Variants in ACER3 observed in about 807,000 individuals in gnomAD.
ACER3 encodes the protein alkCDase 3.
In ACER3, 16 loss-of-function variants were observed where a neutral mutation model predicts 48.9. The ratio of observed to expected loss-of-function variants is 0.33; its 90% CI spans 0.22 to 0.50. The LOEUF is 0.50. Among genes scored for constraint, ACER3 ranks in the 20% least tolerant of loss-of-function variants. ACER3 has a pLI of 0.98. For missense variants in ACER3, 227 were observed against 326.0 expected, an observed-to-expected ratio of 0.70 and a Z score of 2.34; for synonymous variants, 109 against 107.8, an observed-to-expected ratio of 1.01 and a Z score of -0.07.
intron 2 of ACER3, among the ~76,000 whole-genome samples, chr11:76,947,761 C>T (rs1947514295): frequency 6.6e-6 from 1 of 152,100 alleles, no homozygotes; most frequent in Admixed American, 6.5e-5. Flanking sequence ...TTCATAATCC[C>T]ATCATCCAAC....
intron 2 of ACER3, among the ~76,000 whole-genome samples, chr11:76,933,173 C>CATATATAGATATAT (rs1947057284): frequency 7.7e-6 from 1 of 129,598 alleles, no homozygotes; most frequent in Non-Finnish European, 1.7e-5. Context: ...ATACGTATTT[C>CATATATAGATATAT]ATATATATAT....
chr11:76,876,886 A>C (rs1358521362), intron 1 of ACER3, among the ~76,000 whole-genome samples: 3 of 152,170 alleles, frequency 2.0e-5, no homozygotes, highest in African/African-American at 7.2e-5. Context: ...TATTGTTCCC[A>C]TGAGAGGTAA....
At chr11:77,003,092 A>G (rs1949066553) in intron 7 of ACER3, among the ~76,000 whole-genome samples, 1 of 152,242 alleles carries the variant, frequency 6.6e-6, no homozygotes, top group Admixed American at 6.5e-5. Flanking sequence ...AGATCTATAT[A>G]CTTTAAAAGG....
chr11:76,990,199 A>G (rs1948770227), intron 5 of ACER3, among the ~76,000 whole-genome samples: 1 of 152,196 alleles, frequency 6.6e-6, no homozygotes, highest in Non-Finnish European at 1.5e-5. Flanking sequence ...CTGTTGTAGA[A>G]CAGATCTGCT....
chr11:76,993,315 G>A (rs1948841233), intron 6 of ACER3, among the ~76,000 whole-genome samples: 1 of 152,072 alleles, frequency 6.6e-6, no homozygotes, highest in East Asian at 1.9e-4. Flanking sequence ...CTAAGTTTGA[G>A]GATTGAATGA....
intron 7 of ACER3, among the ~76,000 whole-genome samples, chr11:77,002,485 A>C (rs1949053878): frequency 1.3e-5 from 2 of 152,068 alleles, no homozygotes; most frequent in Non-Finnish European, 2.9e-5. Flanking sequence ...TATATTCTGA[A>C]TTCTTCACTT....
chr11:76,987,507 T>C (rs1426353016), intron 5 of ACER3, among the ~76,000 whole-genome samples: 1 of 152,060 alleles, frequency 6.6e-6, no homozygotes, highest in Non-Finnish European at 1.5e-5. Flanking sequence ...TGTGTTAAGA[T>C]TGAGGTGCCT....
chr11:76,867,353 C>T (rs2134503533), intron 1 of ACER3, among the ~76,000 whole-genome samples: 1 of 151,342 alleles, frequency 6.6e-6, no homozygotes, highest in Middle Eastern at 3.4e-3. Flanking sequence ...CCTGTAGTCC[C>T]AGCTGCTTGG....
chr11:76,923,868 A>G (rs1387866540), intron 1 of ACER3, among the ~76,000 whole-genome samples: 1 of 152,098 alleles, frequency 6.6e-6, no homozygotes, highest in African/African-American at 2.4e-5. Context: ...TGTTCCCTCT[A>G]ATATTTTCAC....
At chr11:76,891,512 G>C (rs918370776) in intron 1 of ACER3, among the ~76,000 whole-genome samples, 17 of 152,052 alleles carry the variant, frequency 1.1e-4, no homozygotes, top group African/African-American at 3.9e-4. Flanking sequence ...ACACAAATAA[G>C]TGTTTCTCTG....
chr11:76,880,001 T>G (rs913908496), intron 1 of ACER3, among the ~76,000 whole-genome samples: 2 of 152,168 alleles, frequency 1.3e-5, no homozygotes, highest in Non-Finnish European at 2.9e-5. Context: ...CCTTATTGCT[T>G]TTTTAATGTC....
At chr11:76,998,360 A>C (rs1252033855) in intron 6 of ACER3, among the ~76,000 whole-genome samples, 2 of 152,360 alleles carry the variant, frequency 1.3e-5, no homozygotes, top group East Asian at 3.9e-4. Context: ...TAGAAGAGTT[A>C]AAAGAATTCA....
At chr11:77,005,091 G>T (rs1252672250) in intron 7 of ACER3, among the ~76,000 whole-genome samples, 1 of 148,746 alleles carries the variant, frequency 6.7e-6, no homozygotes, top group African/African-American at 2.5e-5. Context: ...AGGCTGGAGA[G>T]CAGTGGCGCG....
At position 76,877,239 on chromosome 11, in the gene ACER3, A is replaced by G. The variant is rs939564997; in HGVS notation, c.103+16160A>G. ...TTTGAAGCTGGAAAAAAAATCTTTG[A>G]CTCATCATAGGTGTAGACTCTCGCT... On this transcript the variant is annotated intron_variant, in intron 1 of 10. Transcript: ENST00000532485. 2.0e-5 allele frequency among the ~76,000 whole-genome samples: 3 copies of G among 152,078 alleles called. No homozygotes were observed. In the East Asian group the frequency reaches 5.8e-4, roughly 29 times the overall value.
intron 3 of ACER3, among the ~76,000 whole-genome samples, chr11:76,970,279 C>T (rs561787636): frequency 6.6e-6 from 1 of 152,270 alleles, no homozygotes; most frequent in South Asian, 2.1e-4. Context: ...GAGCTTAGAA[C>T]TTTATTTTTG....
At chr11:76,974,899 G>A (rs1948403092) in intron 3 of ACER3, among the ~76,000 whole-genome samples, 1 of 152,140 alleles carries the variant, frequency 6.6e-6, no homozygotes, top group Non-Finnish European at 1.5e-5. Context: ...GTAATCTGCA[G>A]ACCTATTTCA....
At chr11:76,972,656 A>G (rs2156770) in intron 3 of ACER3, among the ~76,000 whole-genome samples, 108,144 of 152,122 alleles carry the variant, frequency 0.71, 38,843 homozygotes, top group Non-Finnish European at 0.77. Flanking sequence ...GATCCACTCT[A>G]TGCTGCTGTT....
rs1350195432 is a variant in ACER3 at position 76,868,397 on chromosome 11, G to C, written c.103+7318G>C. On this transcript the variant is annotated intron_variant, in intron 1 of 10. Transcript: ENST00000532485. Reference sequence around the variant, plus strand: ...AATATCTCTCTCTCTCTCTCTGTGTGTGTGTGTGTGTGTGTGTGTGTGTGT... The same window carrying C: ...AATATCTCTCTCTCTCTCTCTGTGTCTGTGTGTGTGTGTGTGTGTGTGTGT... The C allele has an allele frequency of 2.0e-3, 564 of 278,786 alleles. 5 individuals carry two copies. Among genetic ancestry groups the C allele is most frequent in the African/African-American group, 0.012 (526 of 42,374 alleles). The allele number at this position is 278,786 out of a possible 1,614,324, so 17.3% of individuals were successfully genotyped here.
chr11:76,901,703 G>C (rs560966340), intron 1 of ACER3, among the ~76,000 whole-genome samples: 4 of 152,262 alleles, frequency 2.6e-5, no homozygotes, highest in African/African-American at 4.8e-5. Flanking sequence ...GAGCAAGCAG[G>C]GGGTACGTGA....
Sources: allele counts gnomAD v4.1 joint callset (sites outside exome capture counted in the v4.1 genomes callset), GRCh38; gene constraint gnomAD v4.1.1; transcripts MANE v1.5; gene names NCBI Gene and HGNC (gene_info 2026-07-23, HGNC 2026-07-21).